The following LRRC53 variants were observed in gnomAD, a reference collection of about 807,000 sequenced individuals.
LRRC53 encodes leucine rich repeat containing 53.
A neutral mutation model predicts 13.6 loss-of-function variants in LRRC53; 25 were observed. The ratio of observed to expected loss-of-function variants is 1.83; its 90% confidence interval spans 1.34 to 2.56. The LOEUF is 2.56. Ranked by LOEUF, LRRC53 falls within the 30% of genes most tolerant of loss-of-function variation. The pLI is 0.00. For synonymous variants in LRRC53, 204 were observed against 109.8 expected (o/e 1.86, Z -5.37); for missense variants, 527 against 275.8 (o/e 1.91, Z -6.45).
At chr1:74,494,815 A>G (rs2100316533) in intron 1 of LRRC53, among the ~76,000 whole-genome samples, 1 of 152,328 alleles carries the variant, frequency 6.6e-6, no homozygotes, top group East Asian at 1.9e-4. Flanking sequence ...GAGAGGTACT[A>G]TTGTCATAGC....
Position 74,471,006 on chromosome 1 carries a change from C to G in LRRC53, c.2616G>C (p.Val872=). 1 of 400,656 alleles carries G rather than the reference C, an allele frequency of 2.5e-6. No individual in the cohort carries two copies. The highest frequency in any genetic ancestry group is 4.4e-6 in the Non-Finnish European group (1 of 226,178). The allele number at this position is 400,656 out of a possible 1,614,324, so 24.8% of individuals were successfully genotyped here. A position where few individuals can be genotyped will look rare whatever the true frequency, so the allele number is the denominator to read the frequency against. ...CCCAAGTAGTTGCTAAATAACTAAG[C>G]ACTTTTGATTCAAGCTGAGTTGCAT... ...MEDATQLESK[V]LSYLATTWEN... is the part of the protein sequence containing the mutation. The change falls in exon 5 of 5, where the codon GTG becomes GTC. Residue 872 remains valine (V), a synonymous_variant. Transcript: ENST00000294635.
chr1:74,516,260 T>G (rs1435613775), upstream of LRRC53, among the ~76,000 whole-genome samples: 1 of 152,228 alleles, frequency 6.6e-6, no homozygotes, highest in African/African-American at 2.4e-5. Flanking sequence ...TGAATGTTGC[T>G]ATCCATTTGT....
the LRRC53 span, among the ~76,000 whole-genome samples, chr1:74,528,212 G>A: frequency 6.6e-6 from 1 of 152,180 alleles, no homozygotes; most frequent in African/African-American, 2.4e-5. Context: ...GTGCCTGGTG[G>A]AAGGAAGTTG....
rs1667889699 is a variant in LRRC53 at position 74,470,806 on chromosome 1, C to A, written c.2816G>T (p.Ser939Ile). The change falls in exon 5 of 5, where the codon AGC becomes ATC. Residue 939 changes from serine to isoleucine, a missense_variant. Coordinates refer to ENST00000294635, the MANE Select transcript of LRRC53 (RefSeq NM_001382280.1). ...GTCTAAAGTGTATTCCTTGTTGTAG[C>A]TGTCAGTCTTGTGAGCATCTAAAAG... is the stretch of plus-strand genomic sequence containing the variant. ...TQLLDAHKTD[S>I]YNKEYTLDQN... 2.5e-6 allele frequency: 1 copy of A among 400,464 alleles called. No homozygotes were observed. The highest frequency in any genetic ancestry group is 4.4e-6 in the Non-Finnish European group (1 of 226,158). The allele number at this position is 400,464 out of a possible 1,614,324, so 24.8% of individuals were successfully genotyped here.
chr1:74,508,897 C>A (rs1421118416), intron 1 of LRRC53, among the ~76,000 whole-genome samples: 1 of 152,296 alleles, frequency 6.6e-6, no homozygotes, highest in Middle Eastern at 3.4e-3. Flanking sequence ...CTGGTTTTTA[C>A]AGGGTCTGCA....
At chr1:74,482,349 G>A (rs1668546380) in intron 2 of LRRC53, among the ~76,000 whole-genome samples, 1 of 152,208 alleles carries the variant, frequency 6.6e-6, no homozygotes, top group South Asian at 2.1e-4. Context: ...CAACAATGTA[G>A]ATGAGAAATA....
chr1:74,472,115 C>G lies in LRRC53; in HGVS notation c.1507G>C (p.Glu503Gln). 1.4e-6 allele frequency: 1 copy of G among 717,158 alleles called. No individual in the cohort carries two copies. Among genetic ancestry groups the G allele is most frequent in the Non-Finnish European group, 2.6e-6 (1 of 384,836 alleles). 44.4% of individuals were successfully genotyped at this position (717,158 alleles called of 1,614,324 possible). ...GESLEKRLTN[E>Q]SWQPPIEKED... The stretch of plus-strand genomic sequence containing the variant: ...TTTTCTATTGGAGGCTGCCATGATT[C>G]ATTTGTTAAACGCTTCTCAAGACTT... Residue 503 changes from glutamate (E) to glutamine (Q), a missense_variant, in exon 5 of 5, where the codon GAA (glutamate) becomes CAA (glutamine). Transcript: ENST00000294635.
chr1:74,499,273 C>T (rs1669488166), intron 1 of LRRC53, among the ~76,000 whole-genome samples: 1 of 152,136 alleles, frequency 6.6e-6, no homozygotes, highest in Non-Finnish European at 1.5e-5. Flanking sequence ...TCCTGAGTAG[C>T]TGGGACTACA....
At chr1:74,506,852 C>G (rs947101406) in intron 1 of LRRC53, among the ~76,000 whole-genome samples, 3 of 152,208 alleles carry the variant, frequency 2.0e-5, no homozygotes, top group Non-Finnish European at 4.4e-5. Flanking sequence ...TAATCTCATT[C>G]TTACACTTGA....
the LRRC53 span, among the ~76,000 whole-genome samples, chr1:74,524,119 G>A: frequency 6.6e-6 from 1 of 152,240 alleles, no homozygotes; most frequent in Admixed American, 6.5e-5. Context: ...ACACAGTCCA[G>A]TAGTATTTGT....
intron 1 of LRRC53, among the ~76,000 whole-genome samples, chr1:74,505,506 C>T (rs1183285945): frequency 6.6e-6 from 1 of 152,168 alleles, no homozygotes; most frequent in Non-Finnish European, 1.5e-5. Flanking sequence ...TGAAGCAGCT[C>T]TTACAATGGC....
chr1:74,521,251 G>T, the LRRC53 span, among the ~76,000 whole-genome samples: 1 of 152,256 alleles, frequency 6.6e-6, no homozygotes, highest in South Asian at 2.1e-4. Flanking sequence ...TTCTCTGTGC[G>T]ATCTTGCCCA....
Position 74,475,303 on chromosome 1 carries a change from C to A in LRRC53, c.1412G>T (p.Arg471Ile). 1 of 656,424 alleles carries A rather than the reference C, an allele frequency of 1.5e-6. No homozygotes were observed. Among genetic ancestry groups the A allele is most frequent in the South Asian group, 1.7e-5 (1 of 57,614 alleles). The allele number at this position is 656,424 out of a possible 1,614,324, so 40.7% of individuals were successfully genotyped here. ...QPQTLQHHII[R>I]TEDISSDIFR... ...AAACAAGACAAACTCACCTTCTGTT[C>A]TTATTATATGGTGTTGCAGAGTTTG... The change falls in exon 4 of 5, where the codon AGA becomes ATA. Residue 471 changes from arginine (R) to isoleucine (I), a missense_variant. Physicochemically the swap from Arg to Ile is moderately conservative, Grantham distance 97. Coordinates refer to ENST00000294635, the MANE Select transcript of LRRC53 (RefSeq NM_001382280.1).
Position 74,512,550 on chromosome 1 carries a change from T to G in LRRC53, c.-51A>C, listed in dbSNP as rs1345154244. ...CCCAAAGGTCTCACAGCTTGTAGTTTGTGAATCTCTACATTAAAAGGTGGA... is the reference window on the plus strand; with the variant it reads ...CCCAAAGGTCTCACAGCTTGTAGTTGGTGAATCTCTACATTAAAAGGTGGA... On this transcript the variant is annotated 5_prime_UTR_variant, in exon 1 of 5. Coordinates refer to ENST00000294635, the MANE Select transcript of LRRC53 (RefSeq NM_001382280.1). The G allele has an allele frequency of 1.3e-5, 2 of 152,244 alleles. No individual in the cohort carries two copies. The highest frequency in any genetic ancestry group is 2.4e-5 in the African/African-American group (1 of 41,472). The allele number at this position is 152,244 out of a possible 1,614,324, so 9.4% of individuals were successfully genotyped here.
At chr1:74,507,231 C>CCA (rs1423637779) in intron 1 of LRRC53, among the ~76,000 whole-genome samples, 3 of 141,050 alleles carry the variant, frequency 2.1e-5, no homozygotes, top group Non-Finnish European at 3.1e-5. Flanking sequence ...TCACCCCCCC[C>CCA]CCATCTTTTT....
At chr1:74,484,127 C>T (rs148500100) in intron 1 of LRRC53, among the ~76,000 whole-genome samples, 2 of 147,502 alleles carry the variant, frequency 1.4e-5, no homozygotes, top group East Asian at 3.9e-4. Flanking sequence ...TTAAAGCTTT[C>T]TCAACCCCCC....
chr1:74,533,487 T>G, the LRRC53 span, among the ~76,000 whole-genome samples: 1 of 152,096 alleles, frequency 6.6e-6, no homozygotes, highest in Non-Finnish European at 1.5e-5. Context: ...GTTCAACCAT[T>G]GTGGAAGTCA....
the LRRC53 span, among the ~76,000 whole-genome samples, chr1:74,535,204 C>A: frequency 6.6e-6 from 1 of 152,132 alleles, no homozygotes; most frequent in African/African-American, 2.4e-5. Flanking sequence ...TCATAGAATT[C>A]TGTGGCTCAC....
rs1326582378 is a variant in LRRC53 at position 74,480,578 on chromosome 1, C to T, written c.479G>A (p.Arg160Lys). The change falls in exon 3 of 5, where the codon AGG becomes AAG. Residue 160 changes from arginine to lysine, a missense_variant. By Grantham distance (26) the Arg-to-Lys change is conservative (BLOSUM62 2). Transcript: ENST00000294635. ...SFGGTNLHSL[R>K]YLDLSNNFIS... ...AAAATTGTTGGATAAATCCAGATAC[C>T]TGAGACTGTGGAGATTCGTGCCTCC... 2.8e-6 allele frequency: 2 copies of T among 717,298 alleles called. No individual in the cohort carries two copies. The highest frequency in any genetic ancestry group is 5.4e-5 in the East Asian group (2 of 37,286). The allele number at this position is 717,298 out of a possible 1,614,324, so 44.4% of individuals were successfully genotyped here. A position where few individuals can be genotyped will look rare whatever the true frequency, so the allele number is the denominator to read the frequency against.
Sources: allele counts gnomAD v4.1 joint callset (sites outside exome capture counted in the v4.1 genomes callset), GRCh38; gene constraint gnomAD v4.1.1; transcripts MANE v1.5; gene names NCBI Gene and HGNC (gene_info 2026-07-23, HGNC 2026-07-21).